The following RXFP2 variants were observed in gnomAD, a reference collection of about 807,000 sequenced individuals.
RXFP2 encodes the protein relaxin receptor 2.
In RXFP2, 68 loss-of-function variants were observed where a neutral mutation model predicts 88.6. The ratio of observed to expected loss-of-function variants is 0.77; its 90% CI spans 0.63 to 0.94. The LOEUF (loss-of-function observed/expected upper bound fraction) is 0.94, where lower values mean the gene tolerates loss of function less well. Among genes scored for constraint, RXFP2 ranks in the 40% least tolerant of loss-of-function variants. The pLI, the probability that RXFP2 is intolerant of heterozygous loss-of-function variation, is 0.00. For synonymous variants in RXFP2, 329 were observed against 306.8 expected (o/e 1.07, Z -0.76); for missense variants, 791 against 893.9 (o/e 0.88, Z 1.47).
chr13:31,749,539 C>T (rs954588381), intron 1 of RXFP2, among the ~76,000 whole-genome samples: 13 of 152,256 alleles, frequency 8.5e-5, no homozygotes, highest in Non-Finnish European at 1.6e-4. Flanking sequence ...GAATGAACAT[C>T]TTTAAAATAT....
In RXFP2 at chr13:31,749,130, ATTTT is replaced by A. The variant is rs578012678; in HGVS notation, c.95-9125_95-9122del. Among the ~76,000 whole-genome samples the A allele has an allele frequency of 7.9e-4, 120 of 152,104 alleles. 4 individuals carry two copies. The South Asian group carries it at 0.025, about 31-fold the overall frequency. Reference sequence around the variant, plus strand: ...ATACATCTATCTCACAGTCATAAAGATTTTTTCTTATGTTATCTTCTAGAAACTG... The same window carrying A: ...ATACATCTATCTCACAGTCATAAAGATTCTTATGTTATCTTCTAGAAACTG... On this transcript the variant is annotated intron_variant, in intron 1 of 17. Transcript: ENST00000298386.
chr13:31,786,206 G>A (rs941749413), intron 11 of RXFP2, among the ~76,000 whole-genome samples, 177 bp from the exon 12 acceptor site: 4 of 152,154 alleles, frequency 2.6e-5, no homozygotes, highest in African/African-American at 9.7e-5. Context: ...TGTAAGTGTT[G>A]GAAACCGTAT....
intron 4 of RXFP2, 109 bp from the exon 5 acceptor site, chr13:31,765,847 T>C: frequency 1.5e-6 from 1 of 678,326 alleles, no homozygotes; most frequent in East Asian, 2.7e-5. Context: ...AAATATGGAT[T>C]AGTATAATGA....
At chr13:31,739,986 A>G (rs1871164707) in intron 1 of RXFP2, among the ~76,000 whole-genome samples, 1 of 152,206 alleles carries the variant, frequency 6.6e-6, no homozygotes, top group Non-Finnish European at 1.5e-5. Flanking sequence ...ATTAAAACAT[A>G]GAAAACATTT....
chr13:31,771,765 C>A (rs950053680), intron 5 of RXFP2, among the ~76,000 whole-genome samples: 1 of 149,678 alleles, frequency 6.7e-6, no homozygotes, highest in Non-Finnish European at 1.5e-5. Context: ...GCACTCCAGC[C>A]TGGGCAATGG....
chr13:31,759,047 C>CA (rs537553906), intron 2 of RXFP2, among the ~76,000 whole-genome samples: 28,294 of 133,108 alleles, frequency 0.21, 2,704 homozygotes, highest in Middle Eastern at 0.3. Context: ...AACTCCATCT[C>CA]AAAAAAAAAA....
intron 14 of RXFP2, among the ~76,000 whole-genome samples, chr13:31,790,096 G>C (rs888528287): frequency 5.9e-5 from 9 of 152,114 alleles, no homozygotes; most frequent in Non-Finnish European, 1.3e-4. Context: ...CTCAGGCCAA[G>C]GTCAAGAACA....
Position 31,786,642 on chromosome 13 carries a change from G to A in RXFP2, c.1073+5G>A. On this transcript the variant is annotated splice_donor_5th_base_variant and intron_variant, in intron 13 of 17. Transcript: ENST00000298386. The stretch of plus-strand genomic sequence containing the variant: ...TCTTAAACAACTTCAGTCTCTGTAA[G>A]TGAAATATTACAATTATATTGATTA... The A allele has an allele frequency of 1.3e-6, 2 of 1,499,918 alleles. No individual in the cohort carries two copies. The allele number at this position is 1,499,918 out of a possible 1,614,324, so 92.9% of individuals were successfully genotyped here.
chr13:31,801,068 G>A (rs1010669292), intron 17 of RXFP2, among the ~76,000 whole-genome samples: 1 of 151,964 alleles, frequency 6.6e-6, no homozygotes, highest in Non-Finnish European at 1.5e-5. Flanking sequence ...AAGACATAGA[G>A]AGGAAGAACA....
chr13:31,750,404 A>G (rs1593446030), intron 1 of RXFP2, among the ~76,000 whole-genome samples: 1 of 152,180 alleles, frequency 6.6e-6, no homozygotes, highest in African/African-American at 2.4e-5. Context: ...TAATAAATCA[A>G]TGTTAAAATA....
intron 17 of RXFP2, among the ~76,000 whole-genome samples, chr13:31,801,728 G>A (rs753026292): frequency 5.3e-5 from 8 of 152,180 alleles, no homozygotes; most frequent in African/African-American, 1.2e-4. Context: ...TTGAGAACTG[G>A]ATGGAGTTAA....
chr13:31,782,602 G>T, intron 10 of RXFP2, 74 bp from the exon 11 acceptor site: 1 of 1,084,904 alleles, frequency 9.2e-7, no homozygotes. Context: ...GCCTGGATCA[G>T]TGGCCTCTCC....
chr13:31,758,359 G>A lies in RXFP2; in HGVS notation c.196G>A (p.Asp66Asn). The A allele has an allele frequency of 8.1e-6, 13 of 1,614,148 alleles. No individual in the cohort carries two copies. Among genetic ancestry groups the A allele is most frequent in the Non-Finnish European group, 1.1e-5 (13 of 1,180,024 alleles). ...TKCLPRAFHC[D>N]GKDDCGNGAD... is the part of the protein sequence containing the mutation. Reference sequence around the variant, plus strand: ...GTGCTTACCCCGAGCTTTTCACTGTGATGGCAAGGATGACTGTGGGAACGG... The same window carrying A: ...GTGCTTACCCCGAGCTTTTCACTGTAATGGCAAGGATGACTGTGGGAACGG... Residue 66 changes from aspartate (D) to asparagine (N), a missense_variant, in exon 2 of 18, where the codon GAT (aspartate) becomes AAT (asparagine). Asp to Asn is a conservative substitution (Grantham distance 23). Transcript: ENST00000298386.
intron 1 of RXFP2, among the ~76,000 whole-genome samples, chr13:31,743,129 A>T (rs910773080): frequency 6.6e-6 from 1 of 152,238 alleles, no homozygotes; most frequent in Non-Finnish European, 1.5e-5. Context: ...AAAACAGCTG[A>T]TTCAACAGTC....
intron 1 of RXFP2, among the ~76,000 whole-genome samples, chr13:31,742,646 A>C (rs1423615434): frequency 1.3e-5 from 2 of 152,214 alleles, no homozygotes; most frequent in African/African-American, 4.8e-5. Flanking sequence ...GACCAGATGT[A>C]ATCAAAGAGT....
rs368581473 is a variant in RXFP2, at chr13:31,803,349, T to C, written c.*944T>C. On this transcript the variant is annotated 3_prime_UTR_variant, in exon 18 of 18. Coordinates refer to ENST00000298386, the MANE Select transcript of RXFP2 (RefSeq NM_130806.5). ...GAAAACGAAACTGAAAAAAATTATA[T>C]GTGAAAATGAGAACTGGGTAAATAA... The C allele has an allele frequency of 2.0e-5, 3 of 152,206 alleles. No individual in the cohort carries two copies. The highest frequency in any genetic ancestry group is 3.8e-4 in the East Asian group (2 of 5,202). The allele number at this position is 152,206 out of a possible 1,614,324, so 9.4% of individuals were successfully genotyped here. A position where few individuals can be genotyped will look rare whatever the true frequency, so the allele number is the denominator to read the frequency against.
chr13:31,752,022 A>C (rs1408919393), intron 1 of RXFP2, among the ~76,000 whole-genome samples: 7 of 152,206 alleles, frequency 4.6e-5, no homozygotes, highest in Non-Finnish European at 1.5e-5. Context: ...TTCTTCCCTT[A>C]AATCCCTTAT....
intron 17 of RXFP2, among the ~76,000 whole-genome samples, chr13:31,797,656 T>G (rs911877829): frequency 6.6e-6 from 1 of 152,204 alleles, no homozygotes; most frequent in Non-Finnish European, 1.5e-5. Context: ...CTTGCTTCTA[T>G]CTGAGCAAGA....
At chr13:31,772,075 T>C (rs538571203) in intron 5 of RXFP2, among the ~76,000 whole-genome samples, 10 of 152,366 alleles carry the variant, frequency 6.6e-5, no homozygotes, top group Non-Finnish European at 1.2e-4. Flanking sequence ...TCTTTTAAAA[T>C]GTCAGGCCTT....
Sources: gnomAD v4.1 joint callset for allele counts (sites outside exome capture counted in the v4.1 genomes callset) on GRCh38, gnomAD v4.1.1 for gene constraint, MANE v1.5 for transcripts, NCBI Gene and HGNC (gene_info 2026-07-23, HGNC 2026-07-21) for gene names.